The following ADAMTSL1 variants were observed in gnomAD, a reference collection of about 807,000 sequenced individuals.
The protein encoded by ADAMTSL1 is ADAMTS-like protein 1.
Under a neutral mutation model 201.8 loss-of-function variants are expected in ADAMTSL1, and 126 were observed. That is an observed-to-expected ratio of 0.62 (90% CI 0.54 to 0.72). ADAMTSL1 has a LOEUF of 0.72. Ranked by LOEUF, ADAMTSL1 falls within the 30% of genes least tolerant of loss-of-function variation. ADAMTSL1 has a pLI of 0.00. For synonymous variants in ADAMTSL1, 1,121 were observed against 903.4 expected, an observed-to-expected ratio of 1.24 and a Z score of -4.32; for missense variants, 2,679 against 2,277.8, an observed-to-expected ratio of 1.18 and a Z score of -3.59.
Position 18,577,739 on chromosome 9 carries a change from G to C in ADAMTSL1, c.474+3473G>C, listed in dbSNP as rs545709463. Among the ~76,000 whole-genome samples the C allele has an allele frequency of 7.2e-5, 11 of 152,180 alleles. 1 individual carries two copies. In the South Asian group the frequency reaches 2.3e-3, roughly 32 times the overall value. ...ATTAAACTAGTGGTTCCCTGTATAA[G>C]ATTTTATAACTGTAACGTTTCAAAA... is the stretch of plus-strand genomic sequence containing the variant. On this transcript the variant is annotated intron_variant, in intron 4 of 28. Coordinates refer to ENST00000380548, the MANE Select transcript of ADAMTSL1 (RefSeq NM_001040272.6).
Position 18,908,625 on chromosome 9 carries a change from T to C in ADAMTSL1, c.*77T>C. On this transcript the variant is annotated 3_prime_UTR_variant, in exon 29 of 29. Transcript: ENST00000380548. ...ACCACCTCGGACAGAACCTAAGCTT[T>C]CTTCATTTTATTTATTTATTTCCCC... The C allele has an allele frequency of 8.5e-7, 1 of 1,183,092 alleles. No homozygotes were observed. The highest frequency in any genetic ancestry group is 1.2e-6 in the Non-Finnish European group (1 of 840,856). The allele number at this position is 1,183,092 out of a possible 1,614,324, so 73.3% of individuals were successfully genotyped here.
intron 2 of ADAMTSL1, among the ~76,000 whole-genome samples, chr9:18,317,904 T>A (rs1477342155): frequency 1.3e-5 from 2 of 152,184 alleles, no homozygotes; most frequent in Non-Finnish European, 2.9e-5. Context: ...TTTAGCCAGC[T>A]CTTTAAGAAG....
At chr9:18,597,128 T>C (rs1242673335) in intron 4 of ADAMTSL1, among the ~76,000 whole-genome samples, 1 of 152,230 alleles carries the variant, frequency 6.6e-6, no homozygotes, top group Non-Finnish European at 1.5e-5. Flanking sequence ...AACGAGTCAA[T>C]AAATCTCTCT....
At chr9:17,971,412 C>G (rs977129790) in intron 1 of ADAMTSL1, among the ~76,000 whole-genome samples, 1 of 152,040 alleles carries the variant, frequency 6.6e-6, no homozygotes, top group Non-Finnish European at 1.5e-5. Context: ...ACTATCAATA[C>G]TACTTTAACT....
intron 2 of ADAMTSL1, among the ~76,000 whole-genome samples, chr9:18,207,460 G>T (rs1343538752): frequency 6.6e-6 from 1 of 152,090 alleles, no homozygotes; most frequent in Admixed American, 6.5e-5. Flanking sequence ...AAGTCTACTG[G>T]CTAATCAATG....
intron 23 of ADAMTSL1, among the ~76,000 whole-genome samples, chr9:18,886,517 TAAAC>T (rs111677636): frequency 0.12 from 18,247 of 152,096 alleles, 1,190 homozygotes; most frequent in South Asian, 0.22. Context: ...TAGTGGCTTA[TAAAC>T]AAACAAAACA....
chr9:18,223,654 A>C (rs925083907), intron 2 of ADAMTSL1, among the ~76,000 whole-genome samples: 1 of 152,144 alleles, frequency 6.6e-6, no homozygotes, highest in African/African-American at 2.4e-5. Flanking sequence ...TCATACCTGC[A>C]AGCATTTTAT....
At chr9:18,185,043 G>A (rs1416381686) in intron 2 of ADAMTSL1, among the ~76,000 whole-genome samples, 1 of 152,060 alleles carries the variant, frequency 6.6e-6, no homozygotes, top group Non-Finnish European at 1.5e-5. Flanking sequence ...CATTTTGGAT[G>A]TCAGATTTTC....
chr9:18,706,258 T>A (rs1305994697), intron 13 of ADAMTSL1, among the ~76,000 whole-genome samples: 2 of 151,850 alleles, frequency 1.3e-5, no homozygotes, highest in Non-Finnish European at 2.9e-5. Flanking sequence ...CTGGTGGGAG[T>A]GTCTTTTAGT....
chr9:17,924,570 C>G (rs1346126315), intron 1 of ADAMTSL1, among the ~76,000 whole-genome samples: 1 of 150,206 alleles, frequency 6.7e-6, no homozygotes, highest in Non-Finnish European at 1.5e-5. Context: ...ACTATCTGAT[C>G]TTTGACAAAC....
intron 1 of ADAMTSL1, among the ~76,000 whole-genome samples, chr9:17,937,361 T>G (rs553915837): frequency 4.6e-5 from 7 of 151,992 alleles, no homozygotes; most frequent in Non-Finnish European, 8.8e-5. Context: ...TGAACTAAAT[T>G]GGAATGAAGA....
At position 18,587,275 on chromosome 9, in the gene ADAMTSL1, C is replaced by G. The variant is rs116466880; in HGVS notation, c.474+13009C>G. On this transcript the variant is annotated intron_variant, in intron 4 of 28. Coordinates refer to ENST00000380548, the MANE Select transcript of ADAMTSL1 (RefSeq NM_001040272.6). ...ATAAAACAAACCACCCCAAGAAACCCCATTAAAAAGTGAGTAAAGGGCATG... is the reference window on the plus strand; with the variant it reads ...ATAAAACAAACCACCCCAAGAAACCGCATTAAAAAGTGAGTAAAGGGCATG... 1.7e-3 allele frequency among the ~76,000 whole-genome samples: 265 copies of G among 151,940 alleles called. 2 individuals carry two copies. The highest frequency in any genetic ancestry group is 6.2e-3 in the African/African-American group (256 of 41,452).
intron 1 of ADAMTSL1, among the ~76,000 whole-genome samples, chr9:18,137,105 C>G (rs575252726): frequency 6.6e-6 from 1 of 152,124 alleles, no homozygotes; most frequent in African/African-American, 2.4e-5. Flanking sequence ...TGAGGGCATA[C>G]AGTCAGGGAT....
intron 3 of ADAMTSL1, among the ~76,000 whole-genome samples, chr9:18,550,464 C>T (rs1174988150): frequency 2.0e-5 from 3 of 151,928 alleles, no homozygotes; most frequent in African/African-American, 7.2e-5. Flanking sequence ...GGGGCCGTGG[C>T]AAGAACCGCA....
chr9:18,849,174 T>TTTTTAATGCAGAAG lies in ADAMTSL1; in HGVS notation c.4249+19197_4249+19198insTTTTAATGCAGAAG, dbSNP rs531315939. ...GGTCCTGGGGATAGAAGAGGCTGCATAAGTATTTTTAAGTGATTTAAAACA... is the reference window on the plus strand; with the variant it reads ...GGTCCTGGGGATAGAAGAGGCTGCATTTTTAATGCAGAAGAAGTATTTTTAAGTGATTTAAAACA... On this transcript the variant is annotated intron_variant, in intron 23 of 28. Coordinates refer to ENST00000380548, the MANE Select transcript of ADAMTSL1 (RefSeq NM_001040272.6). Among the ~76,000 whole-genome samples the TTTTTAATGCAGAAG allele has an allele frequency of 7.6e-3, 1,164 of 152,334 alleles. 19 individuals are homozygous for TTTTTAATGCAGAAG. Among genetic ancestry groups the TTTTTAATGCAGAAG allele is most frequent in the African/African-American group, 0.027 (1,107 of 41,576 alleles).
At chr9:18,126,274 A>G (rs1247594684) in intron 1 of ADAMTSL1, among the ~76,000 whole-genome samples, 2 of 152,180 alleles carry the variant, frequency 1.3e-5, no homozygotes, top group Admixed American at 6.5e-5. Flanking sequence ...TGTACCCACC[A>G]TCCAGATCAA....
At chr9:18,418,323 C>G (rs374597449) in intron 2 of ADAMTSL1, among the ~76,000 whole-genome samples, 13 of 152,164 alleles carry the variant, frequency 8.5e-5, no homozygotes, top group African/African-American at 3.1e-4. Flanking sequence ...GATGTCCAAT[C>G]TCACTGCTTC....
chr9:18,226,336 C>A (rs1210804675), intron 2 of ADAMTSL1, among the ~76,000 whole-genome samples: 2 of 152,138 alleles, frequency 1.3e-5, no homozygotes, highest in African/African-American at 4.8e-5. Flanking sequence ...TTGACATTCT[C>A]CTGGTCACCC....
intron 6 of ADAMTSL1, among the ~76,000 whole-genome samples, chr9:18,638,393 G>A (rs1013215030): frequency 2.6e-5 from 4 of 152,050 alleles, no homozygotes; most frequent in Non-Finnish European, 4.4e-5. Flanking sequence ...TTCTTGTCAA[G>A]TTTTGGAACC....
Sources: allele counts gnomAD v4.1 joint callset (sites outside exome capture counted in the v4.1 genomes callset), GRCh38; gene constraint gnomAD v4.1.1; transcripts MANE v1.5; gene names NCBI Gene and HGNC (gene_info 2026-07-23, HGNC 2026-07-21).